TRAPPC8: variants seen among roughly 807,000 people sequenced by gnomAD.
The protein encoded by TRAPPC8 is general sporulation gene 1 homolog.
TRAPPC8 carries 54 observed loss-of-function variants against 174.3 expected under a neutral mutation model. The ratio of observed to expected loss-of-function variants is 0.31; its 90% CI spans 0.25 to 0.39. The LOEUF is 0.39. TRAPPC8 is among the 10% of genes least tolerant of loss of function. The pLI is 1.00. For synonymous variants in TRAPPC8, 630 were observed against 579.9 expected, an observed-to-expected ratio of 1.09 and a Z score of -1.24; for missense variants, 1,531 against 1,699.1, an observed-to-expected ratio of 0.90 and a Z score of 1.74.
At chr18:31,908,602 C>T in intron 7 of TRAPPC8, 152 bp downstream of exon 7, 1 of 959,230 alleles carries the variant, frequency 1.0e-6, no homozygotes. Context: ...TAGAGTTGAA[C>T]AGAATTTCAT....
intron 5 of TRAPPC8, among the ~76,000 whole-genome samples, chr18:31,912,805 T>G (rs958012053): frequency 1.3e-5 from 2 of 152,212 alleles, no homozygotes; most frequent in Non-Finnish European, 2.9e-5. Context: ...AACTCAATTC[T>G]TAACGTGTAA....
At chr18:31,876,817 A>C (rs943966162) in intron 12 of TRAPPC8, among the ~76,000 whole-genome samples, 6 of 152,258 alleles carry the variant, frequency 3.9e-5, no homozygotes, top group African/African-American at 1.4e-4. Context: ...GACAACACTA[A>C]CAGTGGCAGT....
At chr18:31,861,843 T>C (rs1182529687) in intron 19 of TRAPPC8, among the ~76,000 whole-genome samples, 2 of 142,258 alleles carry the variant, frequency 1.4e-5, no homozygotes, top group African/African-American at 5.3e-5. Context: ...GGAAGAACAC[T>C]TGAGTCCAGG....
intron 12 of TRAPPC8, chr18:31,883,242 A>G (rs72930224): frequency 0.22 from 32,145 of 147,862 alleles, 4,236 homozygotes; most frequent in South Asian, 0.51. Flanking sequence ...AAAAAAAAAA[A>G]AGAGAGAGGT....
At chr18:31,928,638 G>A (rs955366971) in intron 2 of TRAPPC8, among the ~76,000 whole-genome samples, 1 of 152,114 alleles carries the variant, frequency 6.6e-6, no homozygotes, top group African/African-American at 2.4e-5. Flanking sequence ...TGGCATACCA[G>A]GTATGCCACA....
At chr18:31,894,896 G>A (rs2036119830) in intron 11 of TRAPPC8, among the ~76,000 whole-genome samples, 1 of 152,130 alleles carries the variant, frequency 6.6e-6, no homozygotes, top group South Asian at 2.1e-4. Context: ...TGGGTTATAA[G>A]ACCAGAATAA....
chr18:31,916,296 T>C lies in TRAPPC8; in HGVS notation c.593A>G (p.Asp198Gly). The change falls in exon 4 of 29, where the codon GAT becomes GGT. Residue 198 changes from aspartate to glycine, a missense_variant. Asp to Gly is a moderately conservative substitution (Grantham distance 94, BLOSUM62 -1). Coordinates refer to ENST00000283351, the MANE Select transcript of TRAPPC8 (RefSeq NM_014939.5). ...CCTCTGTTCATCTCCTGCACTTACA[T>C]CATGTAAAAGTACATAGTATTTAAG... ...NTLKYYVLLH[D>G]VSAGDEQRAE... The C allele has an allele frequency of 6.3e-7, 1 of 1,576,346 alleles. No individual in the cohort carries two copies. The highest frequency in any genetic ancestry group is 2.3e-5 in the East Asian group (1 of 42,622).
intron 12 of TRAPPC8, chr18:31,883,676 AGAG>A (rs1370570602): frequency 6.6e-6 from 1 of 152,298 alleles, no homozygotes; most frequent in African/African-American, 2.4e-5. Flanking sequence ...AAAAAAGAAA[AGAG>A]GACTGCAAAG....
At chr18:31,856,460 TTAAGTGAG>T (rs11277727) in intron 20 of TRAPPC8, among the ~76,000 whole-genome samples, 93,443 of 151,304 alleles carry the variant, frequency 0.62, 29,253 homozygotes, top group South Asian at 0.76. Flanking sequence ...TTAAGTGATC[TTAAGTGAG>T]GCCCACCTCA....
intron 1 of TRAPPC8, among the ~76,000 whole-genome samples, chr18:31,933,707 T>C (rs1269640026): frequency 6.6e-6 from 1 of 152,142 alleles, no homozygotes; most frequent in Non-Finnish European, 1.5e-5. Flanking sequence ...AAATGCCTTA[T>C]ACCAAAATCA....
intron 10 of TRAPPC8, among the ~76,000 whole-genome samples, chr18:31,900,513 G>A (rs1294572825): frequency 6.6e-6 from 1 of 152,166 alleles, no homozygotes; most frequent in Non-Finnish European, 1.5e-5. Context: ...GACCACTGGG[G>A]ACCAGCTCAT....
chr18:31,842,881 AT>A (rs2033183468), intron 26 of TRAPPC8, among the ~76,000 whole-genome samples: 1 of 152,088 alleles, frequency 6.6e-6, no homozygotes, highest in Non-Finnish European at 1.5e-5. Context: ...TCAATCTCTT[AT>A]TTTCTCTCAG....
chr18:31,852,534 T>C (rs1446443462), intron 23 of TRAPPC8, 30 bp from the exon 24 acceptor site: 1 of 1,613,958 alleles, frequency 6.2e-7, no homozygotes, highest in East Asian at 2.2e-5. Context: ...AAACTAATCA[T>C]ATCATTGGCA....
At chr18:31,886,163 G>A (rs540415535) in intron 12 of TRAPPC8, among the ~76,000 whole-genome samples, 21 of 151,428 alleles carry the variant, frequency 1.4e-4, no homozygotes, top group Middle Eastern at 3.4e-3. Flanking sequence ...GCGCCACCAT[G>A]CCTGGCTAAT....
At chr18:31,911,682 T>C (rs1039866763) in intron 5 of TRAPPC8, among the ~76,000 whole-genome samples, 2 of 137,666 alleles carry the variant, frequency 1.5e-5, no homozygotes, top group East Asian at 4.3e-4. Context: ...GCTGTTGCAG[T>C]GAGCCGAGAT....
At chr18:31,879,213 C>T (rs544120200) in intron 12 of TRAPPC8, among the ~76,000 whole-genome samples, 2 of 152,196 alleles carry the variant, frequency 1.3e-5, no homozygotes, top group East Asian at 3.9e-4. Flanking sequence ...CTGAAGTTGA[C>T]CATATACTGG....
At chr18:31,916,534 T>C (rs1225679156) in intron 3 of TRAPPC8, 88 bp from the exon 4 acceptor site, 5 of 1,301,168 alleles carry the variant, frequency 3.8e-6, no homozygotes, top group Non-Finnish European at 5.1e-6. Context: ...TTTTTGTTTG[T>C]TTGTTTGTTT....
At chr18:31,834,350 T>C (rs1488567106) in intron 27 of TRAPPC8, among the ~76,000 whole-genome samples, 1 of 152,118 alleles carries the variant, frequency 6.6e-6, no homozygotes, top group Non-Finnish European at 1.5e-5. Context: ...CCTCAGGAGA[T>C]CCGCCCGCCT....
chr18:31,830,888 G>C lies in TRAPPC8; in HGVS notation c.4175C>G (p.Ala1392Gly), dbSNP rs199893687. ...ATAAACACCTGTATGAACAAAGCAT[G>C]CTTTCAGCTGCAGACTGTGAATCTC... Reference protein sequence around the residue: ...SQEIHSLQLKACFVHTGVYNL... With the variant: ...SQEIHSLQLKGCFVHTGVYNL... Residue 1392 changes from alanine to glycine, a missense_variant, in exon 29 of 29, where the codon GCA (alanine) becomes GGA (glycine). Coordinates refer to ENST00000283351, the MANE Select transcript of TRAPPC8 (RefSeq NM_014939.5). 209 of 1,614,104 alleles carry C rather than the reference G, an allele frequency of 1.3e-4. No homozygotes were observed. The highest frequency in any genetic ancestry group is 1.6e-4 in the Non-Finnish European group (184 of 1,180,054).
Sources: allele counts gnomAD v4.1 joint callset (sites outside exome capture counted in the v4.1 genomes callset), GRCh38; gene constraint gnomAD v4.1.1; transcripts MANE v1.5; gene names NCBI Gene and HGNC (gene_info 2026-07-23, HGNC 2026-07-21).